Variants in CSMD1 observed in about 807,000 individuals in gnomAD.
CSMD1 encodes the protein CUB and sushi domain-containing protein 1.
Under a neutral mutation model 417.5 loss-of-function variants are expected in CSMD1, and 213 were observed. The observed-to-expected ratio is 0.51, with a 90% CI of 0.46 to 0.57. The LOEUF (loss-of-function observed/expected upper bound fraction) is 0.57, where lower values mean the gene tolerates loss of function less well. Among genes scored for constraint, CSMD1 ranks in the 20% least tolerant of loss-of-function variants. CSMD1 has a pLI of 0.00. For missense variants in CSMD1, 6,923 were observed against 4,529.7 expected, an observed-to-expected ratio of 1.53 and a Z score of -15.17; for synonymous variants, 2,862 against 1,736.8, an observed-to-expected ratio of 1.65 and a Z score of -16.11.
At chr8:4,148,014 T>A (rs900348323) in intron 3 of CSMD1, among the ~76,000 whole-genome samples, 2 of 152,072 alleles carry the variant, frequency 1.3e-5, no homozygotes, top group African/African-American at 4.8e-5. Flanking sequence ...GGTTCCATGA[T>A]TGTTTCCCAT....
chr8:3,950,063 T>C (rs1375642218), intron 5 of CSMD1: 1 of 447,050 alleles, frequency 2.2e-6, no homozygotes, highest in African/African-American at 2.1e-5. Flanking sequence ...CAGGACTGAG[T>C]TGCCAGAAAA....
rs531264842 is a variant in CSMD1 at position 3,272,538 on chromosome 8, C to T, written c.4153+11606G>A. On this transcript the variant is annotated intron_variant, in intron 26 of 69. Coordinates refer to ENST00000635120, the MANE Select transcript of CSMD1 (RefSeq NM_033225.6). ...ACTTTGGGCAGTATGGCCATTTTCA[C>T]GATATTGATTCTTCCTACCCATGAG... is the stretch of plus-strand genomic sequence containing the variant. Among the ~76,000 whole-genome samples the T allele has an allele frequency of 4.4e-4, 61 of 138,954 alleles. 5 individuals are homozygous for T. In the East Asian group the frequency reaches 9.8e-3, roughly 22 times the overall value. The allele number at this position is 138,954 out of a possible 152,430, so 91.2% of individuals were successfully genotyped here.
Position 3,942,314 on chromosome 8 carries a change from G to A in CSMD1, c.818+55589C>T, listed in dbSNP as rs550065307. 2.6e-5 allele frequency among the ~76,000 whole-genome samples: 4 copies of A among 152,208 alleles called. No homozygotes were observed. In the East Asian group the frequency reaches 7.7e-4, roughly 29 times the overall value. ...TGAAACCAATCCCTCCTCTTCCAGT[G>A]GAAAAATTGTCTTCCAAGAAACTGG... On this transcript the variant is annotated intron_variant, in intron 5 of 69. Coordinates refer to ENST00000635120, the MANE Select transcript of CSMD1 (RefSeq NM_033225.6).
rs565652995 is a variant in CSMD1, at chr8:4,421,010, C to T, written c.303-945G>A. 5.9e-5 allele frequency among the ~76,000 whole-genome samples: 9 copies of T among 152,232 alleles called. No individual in the cohort carries two copies. The South Asian group carries it at 6.2e-4, about 11-fold the overall frequency. On this transcript the variant is annotated intron_variant, in intron 2 of 69. Transcript: ENST00000635120. ...TCATCTTTGTAAACTGCAGTATCTG[C>T]TGTCTGCTTTTATTTTTTAATTCAG...
intron 49 of CSMD1, among the ~76,000 whole-genome samples, chr8:3,064,710 G>A (rs1812806051): frequency 6.6e-6 from 1 of 152,110 alleles, no homozygotes; most frequent in Non-Finnish European, 1.5e-5. Flanking sequence ...CTCAAAGTTG[G>A]CCATTACAAA....
At chr8:4,006,119 T>G (rs1462779215) in intron 4 of CSMD1, among the ~76,000 whole-genome samples, 1 of 152,174 alleles carries the variant, frequency 6.6e-6, no homozygotes, top group Non-Finnish European at 1.5e-5. Flanking sequence ...CGAGGAGACT[T>G]GATATTCACA....
chr8:4,377,800 G>C (rs978692958), intron 3 of CSMD1, among the ~76,000 whole-genome samples: 6 of 152,100 alleles, frequency 3.9e-5, no homozygotes, highest in African/African-American at 1.2e-4. Context: ...TCCAAGCGTT[G>C]TACAATTGTT....
intron 1 of CSMD1, among the ~76,000 whole-genome samples, chr8:4,702,190 T>C (rs1260719297): frequency 6.6e-6 from 1 of 152,152 alleles, no homozygotes; most frequent in African/African-American, 2.4e-5. Context: ...GGTTGACAGG[T>C]GCAGCAAACC....
intron 21 of CSMD1, among the ~76,000 whole-genome samples, chr8:3,352,629 CAGG>C (rs978726059): frequency 1.3e-5 from 2 of 152,168 alleles, no homozygotes; most frequent in African/African-American, 4.8e-5. Flanking sequence ...CACCTGAAGT[CAGG>C]AGTTCAAGAC....
intron 12 of CSMD1, among the ~76,000 whole-genome samples, chr8:3,455,462 G>C (rs1027784821): frequency 6.6e-6 from 1 of 152,140 alleles, no homozygotes; most frequent in Non-Finnish European, 1.5e-5. Context: ...TTTGGTCTTT[G>C]ATGATGGTGA....
chr8:4,040,047 AC>A (rs78004217), intron 3 of CSMD1, among the ~76,000 whole-genome samples: 22,572 of 152,182 alleles, frequency 0.15, 2,385 homozygotes, highest in East Asian at 0.39. Context: ...ATTCTAAAGC[AC>A]CATGCAAATG....
At chr8:3,858,081 G>A (rs1399594640) in intron 5 of CSMD1, among the ~76,000 whole-genome samples, 1 of 152,206 alleles carries the variant, frequency 6.6e-6, no homozygotes, top group African/African-American at 2.4e-5. Context: ...AGCAATTTGT[G>A]ACTGTCCAAT....
At chr8:3,292,832 G>A (rs1047778417) in intron 25 of CSMD1, among the ~76,000 whole-genome samples, 2 of 151,790 alleles carry the variant, frequency 1.3e-5, no homozygotes, top group Non-Finnish European at 2.9e-5. Flanking sequence ...TTACATTTAA[G>A]GTTAATATTG....
At chr8:4,712,962 A>G (rs188411327) in intron 1 of CSMD1, among the ~76,000 whole-genome samples, 82 of 152,348 alleles carry the variant, frequency 5.4e-4, no homozygotes, top group African/African-American at 1.9e-3. Flanking sequence ...AATTTTCTAT[A>G]AAGGCAAATC....
chr8:3,999,353 T>C (rs1045245967), intron 4 of CSMD1, among the ~76,000 whole-genome samples: 5 of 152,144 alleles, frequency 3.3e-5, no homozygotes, highest in African/African-American at 4.8e-5. Context: ...ACCCACCCTC[T>C]CTCCACCAAA....
chr8:3,388,255 T>C (rs1356411202), intron 17 of CSMD1, among the ~76,000 whole-genome samples: 1 of 152,230 alleles, frequency 6.6e-6, no homozygotes. Context: ...ACTTGCAAGA[T>C]AGCTACTATT....
intron 9 of CSMD1, among the ~76,000 whole-genome samples, chr8:3,585,361 T>G (rs1800556025): frequency 6.6e-6 from 1 of 152,208 alleles, no homozygotes; most frequent in Non-Finnish European, 1.5e-5. Context: ...GAAGCTTTCC[T>G]TTTTAGTCAA....
At chr8:4,094,345 G>A (rs1042195148) in intron 3 of CSMD1, among the ~76,000 whole-genome samples, 1 of 152,152 alleles carries the variant, frequency 6.6e-6, no homozygotes, top group East Asian at 1.9e-4. Flanking sequence ...GTGGCTGTGA[G>A]CTGGACTCAT....
intron 7 of CSMD1, among the ~76,000 whole-genome samples, chr8:3,636,908 G>C (rs1394150070): frequency 6.6e-6 from 1 of 152,124 alleles, no homozygotes; most frequent in South Asian, 2.1e-4. Context: ...TAGGTCATGA[G>C]TTCTCTGCCC....
Sources: gnomAD v4.1 joint callset for allele counts (sites outside exome capture counted in the v4.1 genomes callset) on GRCh38, gnomAD v4.1.1 for gene constraint, MANE v1.5 for transcripts, NCBI Gene and HGNC (gene_info 2026-07-23, HGNC 2026-07-21) for gene names.